Variants in DSCAM observed in about 807,000 individuals in gnomAD.
The protein encoded by DSCAM is DS cell adhesion molecule, also known as cell adhesion molecule DSCAM.
In DSCAM, 47 loss-of-function variants were observed where a neutral mutation model predicts 217.7. That is an observed-to-expected ratio of 0.22 (90% CI 0.17 to 0.28). The LOEUF (loss-of-function observed/expected upper bound fraction) is 0.28. DSCAM is among the 10% of genes least tolerant of loss of function. The pLI is 1.00. For missense variants in DSCAM, 2,080 were observed against 2,618.3 expected, an observed-to-expected ratio of 0.79 and a Z score of 4.49; for synonymous variants, 1,056 against 1,015.3, an observed-to-expected ratio of 1.04 and a Z score of -0.76.
At chr21:40,783,868 A>C (rs1439239419) in intron 1 of DSCAM, among the ~76,000 whole-genome samples, 1 of 152,198 alleles carries the variant, frequency 6.6e-6, no homozygotes, top group Admixed American at 6.5e-5. Context: ...AGCTCAAAGT[A>C]GCCTAAAAAA....
intron 15 of DSCAM, among the ~76,000 whole-genome samples, chr21:40,167,600 T>G (rs537127890): frequency 6.6e-6 from 1 of 152,290 alleles, no homozygotes; most frequent in South Asian, 2.1e-4. Context: ...CAAAACAAAA[T>G]TTCCCTTATG....
intron 20 of DSCAM, among the ~76,000 whole-genome samples, chr21:40,110,465 A>C (rs2089882334): frequency 6.6e-6 from 1 of 152,200 alleles, no homozygotes; most frequent in African/African-American, 2.4e-5. Flanking sequence ...AAAGATGGGG[A>C]AAAAACAGAG....
At chr21:40,408,126 T>A (rs890738914) in intron 3 of DSCAM, among the ~76,000 whole-genome samples, 1 of 151,830 alleles carries the variant, frequency 6.6e-6, no homozygotes, top group Non-Finnish European at 1.5e-5. Flanking sequence ...CACAGAATTA[T>A]CTAAGCCCTG....
At chr21:40,546,907 G>A in intron 3 of DSCAM, among the ~76,000 whole-genome samples, 1 of 152,106 alleles carries the variant, frequency 6.6e-6, no homozygotes, top group South Asian at 2.1e-4. Context: ...TGCTCCAGGG[G>A]CTGGGGCTGG....
chr21:40,572,100 GT>G (rs2076812241), intron 3 of DSCAM, among the ~76,000 whole-genome samples: 3 of 151,838 alleles, frequency 2.0e-5, no homozygotes, highest in African/African-American at 7.3e-5. Flanking sequence ...GTGTGTGTGT[GT>G]GTGTGTGTGT....
At chr21:40,196,036 C>T (rs1243992881) in intron 11 of DSCAM, among the ~76,000 whole-genome samples, 2 of 152,140 alleles carry the variant, frequency 1.3e-5, no homozygotes, top group Non-Finnish European at 2.9e-5. Context: ...CATACATCAG[C>T]GTGGGTCTCA....
In DSCAM at chr21:40,080,338, A is replaced by G; in HGVS notation, c.4234T>C (p.Tyr1412His). The change falls in exon 25 of 33, where the codon TAC becomes CAC. Residue 1412 changes from tyrosine (Y) to histidine (H), a missense_variant and splice_region_variant. By Grantham distance (83) the Tyr-to-His change is moderately conservative (BLOSUM62 2). Transcript: ENST00000400454. ...TTGTCCTCGGAGTACTGCAGTATGT[A>G]TCCTGCAGAGAATGAGAAAGATTCA... ...GDNGGSSIRG[Y>H]ILQYSEDNSE... 1 of 1,589,706 alleles carries G rather than the reference A, an allele frequency of 6.3e-7. No homozygotes were observed. Among genetic ancestry groups the G allele is most frequent in the South Asian group, 1.1e-5 (1 of 88,788 alleles).
chr21:40,801,901 C>A (rs2091745203), intron 1 of DSCAM, among the ~76,000 whole-genome samples: 1 of 152,042 alleles, frequency 6.6e-6, no homozygotes, highest in Non-Finnish European at 1.5e-5. Flanking sequence ...GGGTTGCCAC[C>A]ACAAAGAGTT....
At chr21:40,679,405 T>C (rs2090375522) in intron 3 of DSCAM, among the ~76,000 whole-genome samples, 1 of 152,350 alleles carries the variant, frequency 6.6e-6, no homozygotes, top group Non-Finnish European at 1.5e-5. Context: ...CTCTATCTTC[T>C]AGAGAGGGAG....
At chr21:40,402,194 G>A (rs2075241929) in intron 3 of DSCAM, among the ~76,000 whole-genome samples, 1 of 150,478 alleles carries the variant, frequency 6.6e-6, no homozygotes, top group Non-Finnish European at 1.5e-5. Context: ...CGAGTAGCTG[G>A]GACTACAGAC....
At position 40,087,220 on chromosome 21, in the gene DSCAM, A is replaced by T; in HGVS notation, c.3918T>A (p.Pro1306=). The T allele has an allele frequency of 6.2e-7, 1 of 1,614,188 alleles. No individual in the cohort carries two copies. Among genetic ancestry groups the T allele is most frequent in the South Asian group, 1.1e-5 (1 of 91,084 alleles). Residue 1306 remains proline (P), a synonymous_variant, in exon 22 of 33, where the codon CCT becomes CCA. Transcript: ENST00000400454. ...GAGAAGGGTCCCCAACAGCCTTACA[A>T]GGCAAGACAATGTCTTTCATCCATG... ...TTPWMKDIVL[P]CKAVGDPSPA...
chr21:40,136,971 G>A (rs916826405), intron 18 of DSCAM, among the ~76,000 whole-genome samples: 1 of 152,040 alleles, frequency 6.6e-6, no homozygotes, highest in African/African-American at 2.4e-5. Flanking sequence ...TCAAGACATC[G>A]AGACCATCCT....
intron 6 of DSCAM, among the ~76,000 whole-genome samples, chr21:40,340,707 G>T (rs887160716): frequency 6.6e-6 from 1 of 152,016 alleles, no homozygotes; most frequent in Admixed American, 6.5e-5. Flanking sequence ...TTTAGTTTTT[G>T]ATTTTATTAT....
intron 3 of DSCAM, among the ~76,000 whole-genome samples, chr21:40,617,372 C>G (rs2089416664): frequency 6.6e-6 from 1 of 152,108 alleles, no homozygotes; most frequent in African/African-American, 2.4e-5. Context: ...GATCCACCCG[C>G]CTCGGCCTCC....
intron 3 of DSCAM, among the ~76,000 whole-genome samples, chr21:40,437,371 ATAATAG>A (rs2075592324): frequency 6.6e-6 from 1 of 152,218 alleles, no homozygotes; most frequent in Non-Finnish European, 1.5e-5. Flanking sequence ...ACTACTACTA[ATAATAG>A]TAATAACAAT....
At chr21:40,363,582 A>C (rs2123682451) in intron 4 of DSCAM, among the ~76,000 whole-genome samples, 1 of 152,266 alleles carries the variant, frequency 6.6e-6, no homozygotes, top group South Asian at 2.1e-4. Context: ...TTGGAATTTG[A>C]CATTTCAAGG....
Position 40,339,201 on chromosome 21 carries a change from C to G in DSCAM, c.1425G>C (p.Gln475His). The part of the protein sequence containing the change: ...VVSYLNISSS[Q>H]VRDGGVYRCT... Reference sequence around the variant, plus strand: ...AGCGGTAGACTCCCCCGTCCCGGACCTGGGAGCTGGAGATGTTCAGGTAGC... The same window carrying G: ...AGCGGTAGACTCCCCCGTCCCGGACGTGGGAGCTGGAGATGTTCAGGTAGC... Residue 475 changes from glutamine (Q) to histidine (H), a missense_variant, in exon 7 of 33, where the codon CAG (glutamine) becomes CAC (histidine). By Grantham distance (24) the Gln-to-His change is conservative. This residue lies in a region of DSCAM where 568 missense variants were observed against 678.1 expected (regional missense o/e 0.84). Transcript: ENST00000400454. 1.2e-6 allele frequency: 2 copies of G among 1,614,190 alleles called. No homozygotes were observed. Among genetic ancestry groups the G allele is most frequent in the Non-Finnish European group, 1.7e-6 (2 of 1,180,032 alleles).
chr21:40,487,217 T>C (rs1601682475), intron 3 of DSCAM, among the ~76,000 whole-genome samples: 2 of 151,988 alleles, frequency 1.3e-5, no homozygotes, highest in East Asian at 3.9e-4. Flanking sequence ...TTTCTCCCTC[T>C]CTCTATAACC....
chr21:40,683,650 G>T (rs1357227588), intron 3 of DSCAM, among the ~76,000 whole-genome samples: 1 of 152,102 alleles, frequency 6.6e-6, no homozygotes, highest in Non-Finnish European at 1.5e-5. Flanking sequence ...GGACCAGGAG[G>T]GCAGCACGGT....
Sources: gnomAD v4.1 joint callset for allele counts (sites outside exome capture counted in the v4.1 genomes callset) on GRCh38, gnomAD v4.1.1 for gene constraint, gnomAD v4.1.1 regional missense constraint, MANE v1.5 for transcripts, NCBI Gene and HGNC (gene_info 2026-07-23, HGNC 2026-07-21) for gene names.